The following JUN variants were observed in gnomAD, a reference collection of about 807,000 sequenced individuals.
JUN encodes the protein Jun proto-oncogene, AP-1 transcription factor subunit.
A neutral mutation model predicts 19.7 loss-of-function variants in JUN; 7 were observed. The ratio of observed to expected loss-of-function variants is 0.36; its 90% CI spans 0.20 to 0.67. JUN has a LOEUF of 0.67. Among genes scored for constraint, JUN ranks in the 30% least tolerant of loss-of-function variants. The pLI, the probability that JUN is intolerant of heterozygous loss-of-function variation, is 0.64. For missense variants in JUN, 373 were observed against 451.0 expected (o/e 0.83, Z 1.57); for synonymous variants, 246 against 206.9 (o/e 1.19, Z -1.62).
rs1645569135 is a variant in JUN at position 58,780,831 on chromosome 1, T to TAAATATTC, written c.*1236_*1243dup. On this transcript the variant is annotated 3_prime_UTR_variant, in exon 1 of 1. Transcript: ENST00000371222. ...ATTTATTGTGACAAGAATGCTGTTA[T>TAAATATTC]AAATATTCATAAGCAAAGGCCATCT... The TAAATATTC allele has an allele frequency of 4.3e-6, 1 of 232,746 alleles. No homozygotes were observed. Among genetic ancestry groups the TAAATATTC allele is most frequent in the South Asian group, 1.8e-4 (1 of 5,532 alleles). The allele number at this position is 232,746 out of a possible 1,614,324, so 14.4% of individuals were successfully genotyped here. A position where few individuals can be genotyped will look rare whatever the true frequency, so the allele number is the denominator to read the frequency against.
rs1645569429 is a variant in JUN at position 58,780,878 on chromosome 1, G to A, written c.*1197C>T. On this transcript the variant is annotated 3_prime_UTR_variant, in exon 1 of 1. Transcript: ENST00000371222. ...ATCTTTTTATCTAGGAATTGTCAAAGAGAAGATTCCAAATTGGAAGGATAC... is the reference window on the plus strand; with the variant it reads ...ATCTTTTTATCTAGGAATTGTCAAAAAGAAGATTCCAAATTGGAAGGATAC... 4.3e-6 allele frequency: 1 copy of A among 233,152 alleles called. No individual in the cohort carries two copies. The highest frequency in any genetic ancestry group is 1.8e-4 in the South Asian group (1 of 5,528). The allele number at this position is 233,152 out of a possible 1,614,324, so 14.4% of individuals were successfully genotyped here. A position where few individuals can be genotyped will look rare whatever the true frequency, so the allele number is the denominator to read the frequency against.
At position 58,781,947 on chromosome 1, in the gene JUN, T is replaced by C. The variant is rs1645577690; in HGVS notation, c.*128A>G. The C allele has an allele frequency of 9.7e-6, 8 of 825,574 alleles. No homozygotes were observed. The highest frequency in any genetic ancestry group is 6.5e-4 in the Middle Eastern group (2 of 3,094). 51.1% of individuals were successfully genotyped at this position (825,574 alleles called of 1,614,324 possible). A position where few individuals can be genotyped will look rare whatever the true frequency, so the allele number is the denominator to read the frequency against. ...CCGTCAGGACGCAACCCAGTCCAAC[T>C]TGGATACCCTTGGCTTTAGTTCTCG... On this transcript the variant is annotated 3_prime_UTR_variant, in exon 1 of 1. Transcript: ENST00000371222.
Position 58,783,076 on chromosome 1 carries a change from A to AG in JUN, c.-7dup. The AG allele has an allele frequency of 6.8e-6, 11 of 1,605,874 alleles. No individual in the cohort carries two copies. The highest frequency in any genetic ancestry group is 9.4e-6 in the Non-Finnish European group (11 of 1,173,628). On this transcript the variant is annotated 5_prime_UTR_variant, in exon 1 of 1. Transcript: ENST00000371222. ...GTTTCCATCTTTGCAGTCATAGAACAGTCCGTCACTTCACGTGAGGTTAGT... is the reference window on the plus strand; with the variant it reads ...GTTTCCATCTTTGCAGTCATAGAACAGGTCCGTCACTTCACGTGAGGTTAGT...
At position 58,782,055 on chromosome 1, in the gene JUN, C is replaced by T. The variant is rs2100738464; in HGVS notation, c.*20G>A. 1 of 1,586,398 alleles carries T rather than the reference C, an allele frequency of 6.3e-7. No individual in the cohort carries two copies. Among genetic ancestry groups the T allele is most frequent in the South Asian group, 1.1e-5 (1 of 90,014 alleles). Reference sequence around the variant, plus strand: ...GTTATTTTTTTTCTTCGTTGCCCCTCAGCCCCCGACGGTCTCTCTTCAAAA... The same window carrying T: ...GTTATTTTTTTTCTTCGTTGCCCCTTAGCCCCCGACGGTCTCTCTTCAAAA... On this transcript the variant is annotated 3_prime_UTR_variant, in exon 1 of 1. Coordinates refer to ENST00000371222, the MANE Select transcript of JUN (RefSeq NM_002228.4). This position sits in a 1 kb window ranked among gnomAD's most constrained non-coding sequence, Gnocchi z 8.7.
chr1:58,781,753 C>A lies in JUN; in HGVS notation c.*322G>T. The A allele has an allele frequency of 3.7e-6, 1 of 270,630 alleles. No homozygotes were observed. The highest frequency in any genetic ancestry group is 7.1e-6 in the Non-Finnish European group (1 of 140,536). The allele number at this position is 270,630 out of a possible 1,614,324, so 16.8% of individuals were successfully genotyped here. A position where few individuals can be genotyped will look rare whatever the true frequency, so the allele number is the denominator to read the frequency against. ...TCCCCCCTTTAATACTGAATGAGATCGAATGTTAGGTCCATGCAGTTCTTG... is the reference window on the plus strand; with the variant it reads ...TCCCCCCTTTAATACTGAATGAGATAGAATGTTAGGTCCATGCAGTTCTTG... On this transcript the variant is annotated 3_prime_UTR_variant, in exon 1 of 1. Coordinates refer to ENST00000371222, the MANE Select transcript of JUN (RefSeq NM_002228.4).
rs1401457679 is a variant in JUN, at chr1:58,782,786, G to C, written c.285C>G (p.Thr95=). 1 of 1,613,660 alleles carries C rather than the reference G, an allele frequency of 6.2e-7. No homozygotes were observed. The highest frequency in any genetic ancestry group is 8.5e-7 in the Non-Finnish European group (1 of 1,179,970). ...TCACGTTCTTGGGGCACAGGAACTG[G>C]GTGGGGGTCGGCGTGGTGGTGATGT... ...NGHITTTPTP[T]QFLCPKNVTD... Residue 95 remains threonine, a synonymous_variant, in exon 1 of 1, where the codon ACC becomes ACG. Transcript: ENST00000371222. The surrounding 1 kb of genome is among the most constrained non-coding windows in gnomAD (Gnocchi z 8.7).
At position 58,783,970 on chromosome 1, in the gene JUN, G is replaced by GTGTC. The variant is rs997535537; in HGVS notation, c.-904_-901dup. 7 of 249,260 alleles carry GTGTC rather than the reference G, an allele frequency of 2.8e-5. No homozygotes were observed. The highest frequency in any genetic ancestry group is 1.8e-4 in the South Asian group (1 of 5,562). 15.4% of individuals were successfully genotyped at this position (249,260 alleles called of 1,614,324 possible). A position where few individuals can be genotyped will look rare whatever the true frequency, so the allele number is the denominator to read the frequency against. On this transcript the variant is annotated 5_prime_UTR_variant, in exon 1 of 1. Transcript: ENST00000371222. ...ATACTGCCGACCTGGCTGGCTGGCTGTGTCTGTCTGTCTGCCTGACTCCGC... is the reference window on the plus strand; with the variant it reads ...ATACTGCCGACCTGGCTGGCTGGCTGTGTCTGTCTGTCTGTCTGCCTGACTCCGC...
Position 58,782,804 on chromosome 1 carries a change from G to T in JUN, c.267C>A (p.Thr89=), listed in dbSNP as rs1569897821. ...LIIQSSNGHI[T]TTPTPTQFLC... ...GGAACTGGGTGGGGGTCGGCGTGGT[G>T]GTGATGTGCCCGTTGCTGGACTGGA... Residue 89 remains threonine (T), a synonymous_variant, in exon 1 of 1, where the codon ACC becomes ACA. Coordinates refer to ENST00000371222, the MANE Select transcript of JUN (RefSeq NM_002228.4). This position sits in a 1 kb window ranked among gnomAD's most constrained non-coding sequence, Gnocchi z 8.7. The T allele has an allele frequency of 6.2e-7, 1 of 1,613,696 alleles. No homozygotes were observed. The highest frequency in any genetic ancestry group is 1.3e-5 in the African/African-American group (1 of 74,924).
In JUN at chr1:58,781,262, T is replaced by G. The variant is rs1173628631; in HGVS notation, c.*813A>C. On this transcript the variant is annotated 3_prime_UTR_variant, in exon 1 of 1. Coordinates refer to ENST00000371222, the MANE Select transcript of JUN (RefSeq NM_002228.4). ...GATTTTAATCGACATTCTTAACTCT[T>G]TCAACTCCACCTAGATAGCTAGTAT... 1 of 232,966 alleles carries G rather than the reference T, an allele frequency of 4.3e-6. No individual in the cohort carries two copies. The highest frequency in any genetic ancestry group is 1.2e-3 in the Middle Eastern group (1 of 802). The allele number at this position is 232,966 out of a possible 1,614,324, so 14.4% of individuals were successfully genotyped here. A position where few individuals can be genotyped will look rare whatever the true frequency, so the allele number is the denominator to read the frequency against.
At position 58,783,740 on chromosome 1, in the gene JUN, G is replaced by C; in HGVS notation, c.-670C>G. 4.0e-6 allele frequency: 1 copy of C among 247,908 alleles called. No homozygotes were observed. Among genetic ancestry groups the C allele is most frequent in the African/African-American group, 2.2e-5 (1 of 45,444 alleles). The allele number at this position is 247,908 out of a possible 1,614,324, so 15.4% of individuals were successfully genotyped here. On this transcript the variant is annotated 5_prime_UTR_variant, in exon 1 of 1. Transcript: ENST00000371222. ...GGGAAAGTTCTTTGCTGCTGCAGCC[G>C]CTCGCCGACTTCCCCCGGCGGGCGC...
chr1:58,783,612 C>T lies in JUN; in HGVS notation c.-542G>A, dbSNP rs1645596445. On this transcript the variant is annotated 5_prime_UTR_variant, in exon 1 of 1. Transcript: ENST00000371222. ...GTCCTTCTTCTCTTGCGTGGCTCTC[C>T]GCCGCCTTCTGGTCTTTACCGCCGT... 3 of 248,436 alleles carry T rather than the reference C, an allele frequency of 1.2e-5. No homozygotes were observed. The highest frequency in any genetic ancestry group is 2.2e-5 in the African/African-American group (1 of 45,344). The allele number at this position is 248,436 out of a possible 1,614,324, so 15.4% of individuals were successfully genotyped here.
rs1569899091 is a variant in JUN at position 58,783,390 on chromosome 1, A to C, written c.-320T>G. 2 of 376,420 alleles carry C rather than the reference A, an allele frequency of 5.3e-6. No homozygotes were observed. Among genetic ancestry groups the C allele is most frequent in the Non-Finnish European group, 1.0e-5 (2 of 194,864 alleles). The allele number at this position is 376,420 out of a possible 1,614,324, so 23.3% of individuals were successfully genotyped here. On this transcript the variant is annotated 5_prime_UTR_variant, in exon 1 of 1. Coordinates refer to ENST00000371222, the MANE Select transcript of JUN (RefSeq NM_002228.4). ...GCGGTTCCTCGGAGTCCGCAGGCGA[A>C]CTCACTTCCCAGAGCAGCGGCTCTC...
In JUN at chr1:58,783,334, G is replaced by A. The variant is rs1207662821; in HGVS notation, c.-264C>T. The A allele has an allele frequency of 4.1e-6, 2 of 486,130 alleles. No homozygotes were observed. The highest frequency in any genetic ancestry group is 7.6e-6 in the Non-Finnish European group (2 of 263,704). The allele number at this position is 486,130 out of a possible 1,614,324, so 30.1% of individuals were successfully genotyped here. On this transcript the variant is annotated 5_prime_UTR_variant, in exon 1 of 1. Transcript: ENST00000371222. ...GCGCGCTACCCGGCTTTGAAAAGTC[G>A]CGGTCACTCACTGAGCGCTCTTCGT...
At position 58,783,134 on chromosome 1, in the gene JUN, C is replaced by A; in HGVS notation, c.-64G>T. ...GCGCGCACAAGTTTCGGGGCCGCAA[C>A]AGGGCTGTGGCAAGCGGGGGACACC... On this transcript the variant is annotated 5_prime_UTR_variant, in exon 1 of 1. Transcript: ENST00000371222. 1 of 1,553,794 alleles carries A rather than the reference C, an allele frequency of 6.4e-7. No individual in the cohort carries two copies. The highest frequency in any genetic ancestry group is 1.2e-5 in the South Asian group (1 of 82,486).
At position 58,780,962 on chromosome 1, in the gene JUN, T is replaced by A. The variant is rs1020818803; in HGVS notation, c.*1113A>T. On this transcript the variant is annotated 3_prime_UTR_variant, in exon 1 of 1. Transcript: ENST00000371222. ...TGAGAATAAGCACCTATTGTAAAAT[T>A]TCTACTAACATTATAAATGGTCACA... 1.1e-4 allele frequency: 26 copies of A among 233,058 alleles called. No individual in the cohort carries two copies. Among genetic ancestry groups the A allele is most frequent in the Non-Finnish European group, 1.5e-4 (18 of 118,006 alleles). 14.4% of individuals were successfully genotyped at this position (233,058 alleles called of 1,614,324 possible). A position where few individuals can be genotyped will look rare whatever the true frequency, so the allele number is the denominator to read the frequency against.
rs2100740026 is a variant in JUN at position 58,782,916 on chromosome 1, T to C, written c.155A>G (p.His52Arg). The C allele has an allele frequency of 6.2e-7, 1 of 1,613,982 alleles. No homozygotes were observed. The highest frequency in any genetic ancestry group is 8.5e-7 in the Non-Finnish European group (1 of 1,179,970). The change falls in exon 1 of 1, where the codon CAC becomes CGC. Residue 52 changes from histidine (H) to arginine (R), a missense_variant. This residue lies in a region of JUN where 113 missense variants were observed against 136.9 expected (regional missense o/e 0.83). Transcript: ENST00000371222. The surrounding 1 kb of genome is among the most constrained non-coding windows in gnomAD (Gnocchi z 8.7). The part of the protein sequence containing the change: ...LADPVGSLKP[H>R]LRAKNSDLLT... Reference sequence around the variant, plus strand: ...GAGGTCCGAGTTCTTGGCGCGGAGGTGCGGCTTCAGGCTCCCCACTGGGTC... The same window carrying C: ...GAGGTCCGAGTTCTTGGCGCGGAGGCGCGGCTTCAGGCTCCCCACTGGGTC...
Position 58,781,436 on chromosome 1 carries a change from C to A in JUN, c.*639G>T, listed in dbSNP as rs1569895536. The A allele has an allele frequency of 4.4e-6, 1 of 226,854 alleles. No homozygotes were observed. 14.1% of individuals were successfully genotyped at this position (226,854 alleles called of 1,614,324 possible). Reference sequence around the variant, plus strand: ...GGTAAACTCAGAGTGCTCCAAATCTCTTATTTACAAACAACACTGGGCAGG... The same window carrying A: ...GGTAAACTCAGAGTGCTCCAAATCTATTATTTACAAACAACACTGGGCAGG... On this transcript the variant is annotated 3_prime_UTR_variant, in exon 1 of 1. Transcript: ENST00000371222.
In JUN at chr1:58,783,394, A is replaced by C; in HGVS notation, c.-324T>G. 2.6e-6 allele frequency: 1 copy of C among 377,402 alleles called. No individual in the cohort carries two copies. The highest frequency in any genetic ancestry group is 5.1e-6 in the Non-Finnish European group (1 of 195,342). 23.4% of individuals were successfully genotyped at this position (377,402 alleles called of 1,614,324 possible). A position where few individuals can be genotyped will look rare whatever the true frequency, so the allele number is the denominator to read the frequency against. ...TTCCTCGGAGTCCGCAGGCGAACTC[A>C]CTTCCCAGAGCAGCGGCTCTCCCCG... On this transcript the variant is annotated 5_prime_UTR_variant, in exon 1 of 1. Transcript: ENST00000371222.
Position 58,783,037 on chromosome 1 carries a change from C to A in JUN, c.34G>T (p.Asp12Tyr). Residue 12 changes from aspartate (D) to tyrosine (Y), a missense_variant, in exon 1 of 1, where the codon GAT (aspartate) becomes TAT (tyrosine). Asp to Tyr is a radical substitution (Grantham distance 160). Coordinates refer to ENST00000371222, the MANE Select transcript of JUN (RefSeq NM_002228.4). Reference sequence around the variant, plus strand: ...GGGAGGAACGAGGCGTTGAGGGCATCGTCATAGAAGGTCGTTTCCATCTTT... The same window carrying A: ...GGGAGGAACGAGGCGTTGAGGGCATAGTCATAGAAGGTCGTTTCCATCTTT... ...TAKMETTFYD[D>Y]ALNASFLPSE... is the part of the protein sequence containing the mutation. The A allele has an allele frequency of 6.2e-7, 1 of 1,614,108 alleles. No individual in the cohort carries two copies. Among genetic ancestry groups the A allele is most frequent in the Non-Finnish European group, 8.5e-7 (1 of 1,180,002 alleles).
Sources: gnomAD v4.1 joint callset for allele counts on GRCh38, gnomAD v4.1.1 for gene constraint, gnomAD v4.1.1 regional missense constraint, Gnocchi (gnomAD v3.1) non-coding constraint, MANE v1.5 for transcripts, NCBI Gene and HGNC (gene_info 2026-07-23, HGNC 2026-07-21) for gene names.